The following DLAT variants were observed in gnomAD, a reference collection of about 807,000 sequenced individuals.
DLAT encodes the protein dihydrolipoamide S-acetyltransferase.
A neutral mutation model predicts 68.0 loss-of-function variants in DLAT; 43 were observed. The ratio of observed to expected loss-of-function variants is 0.63; its 90% confidence interval spans 0.50 to 0.81. The LOEUF (loss-of-function observed/expected upper bound fraction) is 0.81. Among genes scored for constraint, DLAT ranks in the 40% least tolerant of loss-of-function variants. DLAT has a pLI of 0.00. For synonymous variants in DLAT, 265 were observed against 288.6 expected (o/e 0.92, Z 0.83); for missense variants, 745 against 815.4 (o/e 0.91, Z 1.05).
At chr11:112,043,854 G>A (rs782676586) in intron 8 of DLAT, among the ~76,000 whole-genome samples, 1 of 152,258 alleles carries the variant, frequency 6.6e-6, no homozygotes, top group East Asian at 1.9e-4. Context: ...TATGTAAATA[G>A]TTGTTATATT....
At chr11:112,025,783 GT>G in intron 1 of DLAT, 32 bp downstream of exon 1, 2 of 1,611,798 alleles carry the variant, frequency 1.2e-6, no homozygotes, top group Non-Finnish European at 8.5e-7. Context: ...TCGGGACCCC[GT>G]TGTCCTTCAG....
Position 112,061,166 on chromosome 11 carries a change from T to TGAAAAAGG in DLAT, c.1808_1814+1dup. ...AGGATAAACTGGTCCCTGCAGATAA[T>TGAAAAAGG]GAAAAAGGGTAAGTGCCAAAATGGA... On this transcript the variant is annotated frameshift_variant, in exon 13 of 14. Coordinates refer to ENST00000280346, the MANE Select transcript of DLAT (RefSeq NM_001931.5). LOFTEE classifies it high-confidence loss of function. 1 of 1,614,112 alleles carries TGAAAAAGG rather than the reference T, an allele frequency of 6.2e-7. No homozygotes were observed. Among genetic ancestry groups the TGAAAAAGG allele is most frequent in the Non-Finnish European group, 8.5e-7 (1 of 1,180,014 alleles).
chr11:112,055,970 C>T lies in DLAT; in HGVS notation c.1515-3933C>T, dbSNP rs887892283. On this transcript the variant is annotated intron_variant, in intron 11 of 13. Transcript: ENST00000280346. ...GCAACCTCCGCCTCCCGGGTTCAAG[C>T]GATTCTCCTGCCTCAGCCTCCCGAG... Among the ~76,000 whole-genome samples the T allele has an allele frequency of 4.9e-5, 7 of 142,486 alleles. No homozygotes were observed. The East Asian group carries it at 1.4e-3, about 27-fold the overall frequency. The allele number at this position is 142,486 out of a possible 152,430, so 93.5% of individuals were successfully genotyped here.
At chr11:112,059,353 CTTT>C (rs1229235062) in intron 11 of DLAT, among the ~76,000 whole-genome samples, 3 of 130,638 alleles carry the variant, frequency 2.3e-5, no homozygotes, top group African/African-American at 2.8e-5. Context: ...ATTTCTCATT[CTTT>C]TTTTTTTTTT....
chr11:112,032,873 C>T (rs782283310), intron 4 of DLAT, among the ~76,000 whole-genome samples: 2 of 152,142 alleles, frequency 1.3e-5, no homozygotes, highest in Admixed American at 1.3e-4. Context: ...CAGAGACCAG[C>T]CTGGCCAACA....
At chr11:112,039,473 A>T (rs914621397) in intron 7 of DLAT, 76 bp downstream of exon 7, 3 of 1,400,998 alleles carry the variant, frequency 2.1e-6, no homozygotes, top group African/African-American at 1.4e-5. Flanking sequence ...TTGCAAGTAC[A>T]ACTATGTATA....
rs1157793171 is a variant in DLAT at position 112,058,760 on chromosome 11, T to C, written c.1515-1143T>C. Among the ~76,000 whole-genome samples, 2 of 152,052 alleles carry C rather than the reference T, an allele frequency of 1.3e-5. 1 individual carries two copies. Among genetic ancestry groups the C allele is most frequent in the Admixed American group, 1.3e-4 (2 of 15,264 alleles). On this transcript the variant is annotated intron_variant, in intron 11 of 13. Transcript: ENST00000280346. ...AAAAATCAGTTATTTTCATATCACA[T>C]TGTAGTTGTATATATCTCAAAATGT... is the stretch of plus-strand genomic sequence containing the variant.
At chr11:112,029,045 G>C (rs1457790392) in intron 4 of DLAT, 100 bp downstream of exon 4, 11 of 1,344,420 alleles carry the variant, frequency 8.2e-6, no homozygotes, top group Non-Finnish European at 1.2e-5. Context: ...ATTAAATGTG[G>C]TTAGGTCTTG....
At chr11:112,033,702 TTTTA>T (rs1377285377) in intron 5 of DLAT, among the ~76,000 whole-genome samples, 172 bp downstream of exon 5, 1 of 152,214 alleles carries the variant, frequency 6.6e-6, no homozygotes, top group South Asian at 2.1e-4. Flanking sequence ...ATTCTTTAGT[TTTTA>T]TTTATTTATT....
chr11:112,028,459 C>G (rs1413517708), intron 2 of DLAT, 56 bp from the exon 3 acceptor site: 5 of 1,374,042 alleles, frequency 3.6e-6, no homozygotes, highest in Non-Finnish European at 4.1e-6. Flanking sequence ...TAGACACAAG[C>G]TAATAAATTA....
intron 10 of DLAT, among the ~76,000 whole-genome samples, chr11:112,046,481 T>C (rs1251286084): frequency 2.0e-5 from 3 of 152,158 alleles, no homozygotes; most frequent in East Asian, 3.8e-4. Context: ...TTTGTTTTAT[T>C]ATACTTTAAG....
intron 11 of DLAT, among the ~76,000 whole-genome samples, chr11:112,058,303 G>A (rs1187261112): frequency 2.0e-5 from 3 of 152,138 alleles, no homozygotes; most frequent in Non-Finnish European, 4.4e-5. Context: ...TGATACCTTG[G>A]CTACAGTTCT....
intron 10 of DLAT, among the ~76,000 whole-genome samples, chr11:112,050,511 T>C (rs937214569): frequency 1.3e-5 from 2 of 152,210 alleles, no homozygotes; most frequent in East Asian, 3.8e-4. Flanking sequence ...TCTAAGCTTT[T>C]CTACATGGGT....
In DLAT at chr11:112,037,455, C is replaced by A; in HGVS notation, c.970C>A (p.Pro324Thr). The A allele has an allele frequency of 1.9e-6, 3 of 1,613,666 alleles. No homozygotes were observed. The highest frequency in any genetic ancestry group is 2.5e-6 in the Non-Finnish European group (3 of 1,179,586). ...LKPQVPPPTPPPVAAVPPTPQ... is the reference protein window; with the variant it reads ...LKPQVPPPTPTPVAAVPPTPQ... ...ACCACAAGTGCCACCACCTACCCCA[C>A]CCCCGGTAGGTATGCTTCTAGAATT... The change falls in exon 6 of 14, where the codon CCC becomes ACC. Residue 324 changes from proline to threonine, a missense_variant. Transcript: ENST00000280346.
intron 13 of DLAT, 49 bp downstream of exon 13, chr11:112,061,223 G>A (rs782084637): frequency 1.2e-6 from 2 of 1,607,378 alleles, no homozygotes; most frequent in African/African-American, 2.7e-5. Context: ...TTATTACACT[G>A]TACACTTGTC....
chr11:112,030,364 C>G, intron 4 of DLAT: 1 of 450,062 alleles, frequency 2.2e-6, no homozygotes. Flanking sequence ...GTTGCCACCA[C>G]CATGGCTCTG....
intron 5 of DLAT, chr11:112,036,845 G>A (rs1862805227): frequency 5.8e-6 from 1 of 173,314 alleles, no homozygotes. Context: ...AATTAGGCAT[G>A]TATGTGGTTC....
chr11:112,064,133 CCAT>C lies in DLAT; in HGVS notation c.*1604_*1606del. ...AAAGAAACAAGCTTATCACAAGGGA[CCAT>C]CATCAATATGATCCAAATCTGGTTC... is the stretch of plus-strand genomic sequence containing the variant. On this transcript the variant is annotated 3_prime_UTR_variant, in exon 14 of 14. Transcript: ENST00000280346. 6.7e-7 allele frequency: 1 copy of C among 1,482,960 alleles called. No homozygotes were observed. Among genetic ancestry groups the C allele is most frequent in the Admixed American group, 2.4e-5 (1 of 41,562 alleles). 91.9% of individuals were successfully genotyped at this position (1,482,960 alleles called of 1,614,324 possible).
chr11:112,036,154 T>A (rs1862721679), intron 5 of DLAT, among the ~76,000 whole-genome samples: 1 of 141,628 alleles, frequency 7.1e-6, no homozygotes, highest in South Asian at 2.2e-4. Flanking sequence ...TATATATATA[T>A]GTGTGTGTAT....
Sources: allele counts gnomAD v4.1 joint callset (sites outside exome capture counted in the v4.1 genomes callset), GRCh38; gene constraint gnomAD v4.1.1; transcripts MANE v1.5; gene names NCBI Gene and HGNC (gene_info 2026-07-23, HGNC 2026-07-21).